Variants in CSMD1 observed in about 807,000 individuals in gnomAD.
CSMD1 encodes the protein CUB and Sushi multiple domains 1.
A neutral mutation model predicts 417.5 loss-of-function variants in CSMD1; 213 were observed. The ratio of observed to expected loss-of-function variants is 0.51; its 90% CI spans 0.46 to 0.57. The LOEUF (loss-of-function observed/expected upper bound fraction) is 0.57. Ranked by LOEUF, CSMD1 falls within the 20% of genes least tolerant of loss-of-function variation. The probability of loss-of-function intolerance (pLI) is 0.00; values close to 1 mark genes in which losing one functional copy is unlikely to be tolerated. For missense variants in CSMD1, 6,923 were observed against 4,529.7 expected, an observed-to-expected ratio of 1.53 and a Z score of -15.17; for synonymous variants, 2,862 against 1,736.8, an observed-to-expected ratio of 1.65 and a Z score of -16.11.
chr8:4,110,919 A>G (rs967452840), intron 3 of CSMD1, among the ~76,000 whole-genome samples: 2 of 152,152 alleles, frequency 1.3e-5, no homozygotes, highest in African/African-American at 2.4e-5. Flanking sequence ...AGACAATGAC[A>G]TTCTAGAAGT....
chr8:3,227,488 T>C (rs1490121274), intron 27 of CSMD1, among the ~76,000 whole-genome samples: 1 of 152,202 alleles, frequency 6.6e-6, no homozygotes, highest in Non-Finnish European at 1.5e-5. Context: ...TGATTTATTT[T>C]GCAACATGAG....
At chr8:4,446,257 A>C (rs1369165435) in intron 2 of CSMD1, among the ~76,000 whole-genome samples, 1 of 152,194 alleles carries the variant, frequency 6.6e-6, no homozygotes. Context: ...TCACTTGAAG[A>C]GTGGACCCAG....
chr8:4,279,431 T>C (rs1796659936), intron 3 of CSMD1, among the ~76,000 whole-genome samples: 1 of 152,210 alleles, frequency 6.6e-6, no homozygotes, highest in Admixed American at 6.6e-5. Context: ...GGCAGTATTG[T>C]CCTTGGATAA....
chr8:3,429,932 A>G (rs1814110520), intron 12 of CSMD1, among the ~76,000 whole-genome samples: 1 of 152,178 alleles, frequency 6.6e-6, no homozygotes, highest in Non-Finnish European at 1.5e-5. Flanking sequence ...TCTATTTCTT[A>G]TATTTGTCAA....
At chr8:3,997,858 G>T (rs749197393) in intron 5 of CSMD1, 45 bp downstream of exon 5, 4 of 1,538,204 alleles carry the variant, frequency 2.6e-6, no homozygotes, top group East Asian at 2.3e-5. Flanking sequence ...AAAAAACGGG[G>T]AAAACACACC....
At chr8:3,300,412 C>G (rs1165564968) in intron 25 of CSMD1, among the ~76,000 whole-genome samples, 1 of 151,598 alleles carries the variant, frequency 6.6e-6, no homozygotes, top group Non-Finnish European at 1.5e-5. Flanking sequence ...AAATAATTAA[C>G]CATAAACCAT....
intron 1 of CSMD1, among the ~76,000 whole-genome samples, chr8:4,800,511 T>C (rs1286598166): frequency 1.3e-5 from 2 of 152,162 alleles, no homozygotes; most frequent in African/African-American, 4.8e-5. Flanking sequence ...AAATCAATGC[T>C]GACACAAGTA....
intron 3 of CSMD1, among the ~76,000 whole-genome samples, chr8:4,311,328 A>G (rs1291073580): frequency 2.0e-5 from 3 of 152,228 alleles, no homozygotes; most frequent in Admixed American, 2.0e-4. Context: ...CATAAAAAGG[A>G]ATGCGATCAA....
intron 3 of CSMD1, among the ~76,000 whole-genome samples, chr8:4,089,856 G>T (rs901273221): frequency 6.6e-6 from 1 of 152,140 alleles, no homozygotes; most frequent in East Asian, 1.9e-4. Flanking sequence ...ATGGTGGTGG[G>T]ATCTCACCAC....
chr8:4,957,330 C>G (rs74883604), intron 1 of CSMD1, among the ~76,000 whole-genome samples: 1 of 152,104 alleles, frequency 6.6e-6, no homozygotes. Flanking sequence ...AGGAAAGATG[C>G]GTTGGCAGAG....
chr8:4,353,250 T>G (rs986775670), intron 3 of CSMD1, among the ~76,000 whole-genome samples: 11 of 152,116 alleles, frequency 7.2e-5, no homozygotes, highest in Admixed American at 2.6e-4. Flanking sequence ...ACTGTTCTTC[T>G]GGTAGTAAGT....
intron 12 of CSMD1, among the ~76,000 whole-genome samples, chr8:3,429,744 C>G (rs1257294089): frequency 6.6e-6 from 1 of 152,128 alleles, no homozygotes; most frequent in Non-Finnish European, 1.5e-5. Context: ...GTAAAATTTT[C>G]TATGAAATAA....
At chr8:4,281,461 T>G (rs1360483921) in intron 3 of CSMD1, among the ~76,000 whole-genome samples, 1 of 151,676 alleles carries the variant, frequency 6.6e-6, no homozygotes, top group African/African-American at 2.4e-5. Flanking sequence ...AATTTGAGAC[T>G]GGCACACTCC....
intron 15 of CSMD1, 72 bp downstream of exon 15, chr8:3,405,955 T>G: frequency 7.0e-7 from 1 of 1,430,320 alleles, no homozygotes; most frequent in South Asian, 1.3e-5. Context: ...CACAGTTTGT[T>G]GGTTTGTGTG....
intron 2 of CSMD1, among the ~76,000 whole-genome samples, chr8:4,496,309 G>C (rs1441908149): frequency 1.3e-5 from 2 of 152,196 alleles, no homozygotes; most frequent in Non-Finnish European, 2.9e-5. Context: ...CAATGGTTCA[G>C]GATCAAAGGA....
chr8:4,018,303 C>T (rs185303924), intron 4 of CSMD1, among the ~76,000 whole-genome samples: 6 of 152,024 alleles, frequency 3.9e-5, no homozygotes, highest in African/African-American at 1.5e-4. Context: ...CAGTCTGTGG[C>T]CATTTTTATC....
At chr8:4,737,567 T>C (rs1039305717) in intron 1 of CSMD1, among the ~76,000 whole-genome samples, 9 of 152,194 alleles carry the variant, frequency 5.9e-5, no homozygotes, top group Middle Eastern at 3.2e-3. Context: ...ACGGAAGTTA[T>C]TGCCAGCAAA....
chr8:3,786,160 C>A (rs535087320), intron 5 of CSMD1, among the ~76,000 whole-genome samples: 2 of 152,084 alleles, frequency 1.3e-5, no homozygotes, highest in Non-Finnish European at 2.9e-5. Context: ...CAGAGGAGCA[C>A]CTGGTTTGGG....
chr8:4,157,166 AG>A (rs1285202258), intron 3 of CSMD1, among the ~76,000 whole-genome samples: 1 of 152,152 alleles, frequency 6.6e-6, no homozygotes, highest in African/African-American at 2.4e-5. Context: ...AAACATCAGA[AG>A]AAGATTTTGG....
Sources: gnomAD v4.1 joint callset for allele counts (sites outside exome capture counted in the v4.1 genomes callset) on GRCh38, gnomAD v4.1.1 for gene constraint, MANE v1.5 for transcripts, NCBI Gene and HGNC (gene_info 2026-07-23, HGNC 2026-07-21) for gene names.